The following WWOX variants were observed in gnomAD, a reference collection of about 807,000 sequenced individuals.
WWOX encodes the protein WW domain-containing oxidoreductase.
In WWOX, 69 loss-of-function variants were observed where a neutral mutation model predicts 46.2. The observed-to-expected ratio is 1.49, with a 90% confidence interval of 1.23 to 1.82. The LOEUF (loss-of-function observed/expected upper bound fraction) is 1.82, where lower values mean the gene tolerates loss of function less well. Among genes scored for constraint, WWOX ranks in the 40% most tolerant of loss-of-function variants. The pLI, the probability that WWOX is intolerant of heterozygous loss-of-function variation, is 0.00. For missense variants in WWOX, 919 were observed against 542.6 expected (o/e 1.69, Z -6.89); for synonymous variants, 359 against 202.6 (o/e 1.77, Z -6.56).
At chr16:78,744,436 T>A (rs1952621493) in intron 8 of WWOX, among the ~76,000 whole-genome samples, 1 of 143,884 alleles carries the variant, frequency 7.0e-6, no homozygotes, top group African/African-American at 2.6e-5. Context: ...TTTTTTTTTT[T>A]TTTTTTTTTT....
In WWOX at chr16:78,217,262, G is replaced by A. The variant is rs1046509587; in HGVS notation, c.516+52973G>A. Among the ~76,000 whole-genome samples, 6 of 152,266 alleles carry A rather than the reference G, an allele frequency of 3.9e-5. No homozygotes were observed. The South Asian group carries it at 1.2e-3, about 32-fold the overall frequency. ...CTTCCTAACTTCTCCTGCCTGCCTTGCAGGATATGTGGAGTTATCAGTTCC... is the reference window on the plus strand; with the variant it reads ...CTTCCTAACTTCTCCTGCCTGCCTTACAGGATATGTGGAGTTATCAGTTCC... On this transcript the variant is annotated intron_variant, in intron 5 of 8. Coordinates refer to ENST00000566780, the MANE Select transcript of WWOX (RefSeq NM_016373.4).
At chr16:78,149,158 C>T (rs1168348389) in intron 4 of WWOX, among the ~76,000 whole-genome samples, 1 of 151,912 alleles carries the variant, frequency 6.6e-6, no homozygotes, top group Non-Finnish European at 1.5e-5. Context: ...GCCTGGCTGG[C>T]CTTTGTGTTG....
At chr16:78,821,932 T>C (rs982127424) in intron 8 of WWOX, among the ~76,000 whole-genome samples, 1 of 152,150 alleles carries the variant, frequency 6.6e-6, no homozygotes, top group African/African-American at 2.4e-5. Context: ...CAGGCTAGAG[T>C]GCTGTGGCAT....
Position 78,584,408 on chromosome 16 carries a change from C to A in WWOX, c.1056+151656C>A, listed in dbSNP as rs182784797. Among the ~76,000 whole-genome samples the A allele has an allele frequency of 2.0e-5, 3 of 152,308 alleles. No individual in the cohort carries two copies. The East Asian group carries it at 5.8e-4, about 29-fold the overall frequency. ...TTTCCAGGCTTGGGATTTCGCAACA[C>A]GTCGCTTAATCTCTTAGCTTACATT... On this transcript the variant is annotated intron_variant, in intron 8 of 8. Coordinates refer to ENST00000566780, the MANE Select transcript of WWOX (RefSeq NM_016373.4).
At chr16:78,333,478 A>C (rs766989358) in intron 5 of WWOX, among the ~76,000 whole-genome samples, 14 of 152,188 alleles carry the variant, frequency 9.2e-5, no homozygotes, top group Middle Eastern at 3.2e-3. Flanking sequence ...TACTTAGTTT[A>C]ACTGGTAAAA....
chr16:78,535,964 G>A (rs1970143441), intron 8 of WWOX, among the ~76,000 whole-genome samples: 1 of 152,184 alleles, frequency 6.6e-6, no homozygotes, highest in South Asian at 2.1e-4. Context: ...CATAGCACCT[G>A]ATACACACAA....
intron 8 of WWOX, among the ~76,000 whole-genome samples, chr16:79,201,727 C>G (rs541226603): frequency 1.9e-5 from 2 of 104,606 alleles, no homozygotes; most frequent in South Asian, 5.1e-4. Context: ...TACTTTTTTC[C>G]TGTTTTTTTT....
In WWOX at chr16:78,847,465, A is replaced by G. The variant is rs185181912; in HGVS notation, c.1057-364143A>G. On this transcript the variant is annotated intron_variant, in intron 8 of 8. Transcript: ENST00000566780. ...TGTGTTTGTACCTAATTCCAATCCA[A>G]CACAACAACTGGGTTTTTTCAAACT... Among the ~76,000 whole-genome samples the G allele has an allele frequency of 3.9e-5, 6 of 152,240 alleles. No individual in the cohort carries two copies. In the East Asian group the frequency reaches 1.2e-3, roughly 29 times the overall value.
chr16:79,055,538 C>T (rs912356529), intron 8 of WWOX, among the ~76,000 whole-genome samples: 1 of 152,104 alleles, frequency 6.6e-6, no homozygotes, highest in Non-Finnish European at 1.5e-5. Context: ...ATTTGAGGCC[C>T]TAGATACTGA....
intron 8 of WWOX, among the ~76,000 whole-genome samples, chr16:79,062,786 A>C (rs1044002440): frequency 1.5e-4 from 23 of 152,166 alleles, no homozygotes; most frequent in Non-Finnish European, 2.9e-4. Context: ...TTCTTTGTGC[A>C]TTCTGGGTTC....
At position 79,144,681 on chromosome 16, in the gene WWOX, T is replaced by A. The variant is rs150639766; in HGVS notation, c.1057-66927T>A. ...TAAGTTCGTTCATATCTCTCTTAGA[T>A]TCTTATATAAATTTTATTGACCTAA... is the stretch of plus-strand genomic sequence containing the variant. On this transcript the variant is annotated intron_variant, in intron 8 of 8. Coordinates refer to ENST00000566780, the MANE Select transcript of WWOX (RefSeq NM_016373.4). 6.2e-3 allele frequency among the ~76,000 whole-genome samples: 939 copies of A among 152,308 alleles called. 3 individuals are homozygous for A. Among genetic ancestry groups the A allele is most frequent in the Non-Finnish European group, 0.01 (691 of 68,024 alleles).
At chr16:78,297,733 A>G (rs907044793) in intron 5 of WWOX, among the ~76,000 whole-genome samples, 1 of 152,110 alleles carries the variant, frequency 6.6e-6, no homozygotes, top group African/African-American at 2.4e-5. Context: ...AGACCTATGC[A>G]TGGTGGAATA....
chr16:78,150,371 T>A (rs1302273320), intron 4 of WWOX, among the ~76,000 whole-genome samples: 1 of 152,006 alleles, frequency 6.6e-6, no homozygotes, highest in Non-Finnish European at 1.5e-5. Context: ...TCGTTTAGGT[T>A]TTTGTTGTTG....
intron 8 of WWOX, among the ~76,000 whole-genome samples, chr16:78,722,883 A>G (rs536167488): frequency 1.3e-5 from 2 of 151,906 alleles, no homozygotes; most frequent in Non-Finnish European, 2.9e-5. Flanking sequence ...GTCTACAAAA[A>G]GTATAAAAAT....
chr16:78,914,878 CAGAAAAAAAAAAA>C (rs1280204394), intron 8 of WWOX, among the ~76,000 whole-genome samples: 4 of 65,678 alleles, frequency 6.1e-5, no homozygotes, highest in Non-Finnish European at 1.1e-4. Flanking sequence ...GACTCCGCCT[CAGAAAAAAAAAAA>C]AAAAAAAAAA....
intron 8 of WWOX, among the ~76,000 whole-genome samples, chr16:78,660,396 T>G (rs373187588): frequency 6.6e-6 from 1 of 152,152 alleles, no homozygotes; most frequent in East Asian, 1.9e-4. Flanking sequence ...GACATTGATA[T>G]GCTTCCTGAG....
At chr16:78,746,663 T>C (rs1203061777) in intron 8 of WWOX, among the ~76,000 whole-genome samples, 1 of 152,036 alleles carries the variant, frequency 6.6e-6, no homozygotes, top group Non-Finnish European at 1.5e-5. Context: ...GCTTGCATGA[T>C]TGGCTTTGTA....
At chr16:78,505,981 T>C (rs2085192987) in intron 8 of WWOX, among the ~76,000 whole-genome samples, 1 of 152,156 alleles carries the variant, frequency 6.6e-6, no homozygotes, top group South Asian at 2.1e-4. Context: ...AGGAGAGAAA[T>C]GATCCGGCAA....
intron 5 of WWOX, among the ~76,000 whole-genome samples, chr16:78,331,392 G>T (rs1204290867): frequency 1.3e-5 from 2 of 152,190 alleles, no homozygotes; most frequent in African/African-American, 4.8e-5. Flanking sequence ...CAGGCAACCA[G>T]GTAATAAACC....
Sources: allele counts gnomAD v4.1 joint callset (sites outside exome capture counted in the v4.1 genomes callset), GRCh38; gene constraint gnomAD v4.1.1; transcripts MANE v1.5; gene names NCBI Gene and HGNC (gene_info 2026-07-23, HGNC 2026-07-21).